CDC42: variants seen among roughly 807,000 people sequenced by gnomAD.
The protein encoded by CDC42 is cell division control protein 42 homolog.
A neutral mutation model predicts 20.8 loss-of-function variants in CDC42; 1 was observed. The ratio of observed to expected loss-of-function variants is 0.05; its 90% CI spans 0.02 to 0.23. The LOEUF (loss-of-function observed/expected upper bound fraction) is 0.23, where lower values mean the gene tolerates loss of function less well. Among genes scored for constraint, CDC42 ranks in the 10% least tolerant of loss-of-function variants. The probability of loss-of-function intolerance (pLI) is 1.00; values close to 1 mark genes in which losing one functional copy is unlikely to be tolerated. For missense variants in CDC42, 49 were observed against 227.9 expected, an observed-to-expected ratio of 0.21 and a Z score of 5.05; for synonymous variants, 72 against 84.8, an observed-to-expected ratio of 0.85 and a Z score of 0.83.
At chr1:22,064,873 CACCAT>C (rs1645404453) in intron 1 of CDC42, among the ~76,000 whole-genome samples, 1 of 152,118 alleles carries the variant, frequency 6.6e-6, no homozygotes, top group South Asian at 2.1e-4. Flanking sequence ...GACAGGGTTT[CACCAT>C]GTTGGTCAGG....
chr1:22,089,368 C>A (rs1352626877), intron 5 of CDC42, among the ~76,000 whole-genome samples: 4 of 152,148 alleles, frequency 2.6e-5, no homozygotes, highest in African/African-American at 9.7e-5. Context: ...TTCTAGGACC[C>A]CATTCTTTGT....
intron 1 of CDC42, among the ~76,000 whole-genome samples, chr1:22,072,130 C>T (rs959420406): frequency 3.9e-5 from 5 of 127,644 alleles, no homozygotes; most frequent in South Asian, 5.1e-4. Flanking sequence ...TGGAGTCTCG[C>T]TCTGTTGCCC....
chr1:22,068,944 A>G (rs1214370463), intron 1 of CDC42: 1 of 152,158 alleles, frequency 6.6e-6, no homozygotes, highest in African/African-American at 2.4e-5. Flanking sequence ...AAGAATATGT[A>G]GGGGGTGATG....
In CDC42 at chr1:22,095,182, A is replaced by G. The variant is rs1254467805; in HGVS notation, c.*3665A>G. On this transcript the variant is annotated 3_prime_UTR_variant, in exon 6 of 6. Transcript: ENST00000656825. ...CTTTATGTCACACTTGTTTTCTGTAAGTCTTACTCTGTATCTACCCGACTT... is the reference window on the plus strand; with the variant it reads ...CTTTATGTCACACTTGTTTTCTGTAGGTCTTACTCTGTATCTACCCGACTT... Among the ~76,000 whole-genome samples the G allele has an allele frequency of 6.6e-6, 1 of 152,146 alleles. No individual in the cohort carries two copies. Among genetic ancestry groups the G allele is most frequent in the Non-Finnish European group, 1.5e-5 (1 of 68,032 alleles).
rs17837964 is a variant in CDC42 at position 22,067,421 on chromosome 1, G to C, written c.-50-11008G>C. Among the ~76,000 whole-genome samples, 29 of 152,042 alleles carry C rather than the reference G, an allele frequency of 1.9e-4. 1 individual carries two copies. The East Asian group carries it at 5.6e-3, about 29-fold the overall frequency. ...ACTCCCACCTCCGCCTCCCAAGTTC[G>C]CTTTGGTGCTCTCAGCTCACTGCAA... On this transcript the variant is annotated intron_variant, in intron 1 of 5. Coordinates refer to ENST00000656825, the MANE Select transcript of CDC42 (RefSeq NM_001791.4).
intron 1 of CDC42, chr1:22,068,615 C>T (rs1057446121): frequency 5.2e-5 from 8 of 152,510 alleles, no homozygotes; most frequent in African/African-American, 1.9e-4. Context: ...AAATTCCTTC[C>T]ATAGAAATGA....
rs747002932 is a variant in CDC42 at position 22,094,294 on chromosome 1, A to ATTTTT, written c.*2794_*2798dup. On this transcript the variant is annotated 3_prime_UTR_variant, in exon 6 of 6. Transcript: ENST00000656825. ...GTTTTACTGAACATCCTAGAAATAGATTTTTTTTTTTTTTTTTTTTTGAGA... is the reference window on the plus strand; with the variant it reads ...GTTTTACTGAACATCCTAGAAATAGATTTTTTTTTTTTTTTTTTTTTTTTTTGAGA... Among the ~76,000 whole-genome samples, 15 of 38,300 alleles carry ATTTTT rather than the reference A, an allele frequency of 3.9e-4. 4 individuals are homozygous for ATTTTT. Among genetic ancestry groups the ATTTTT allele is most frequent in the Admixed American group, 3.1e-3 (6 of 1,910 alleles). 25.1% of individuals were successfully genotyped at this position (38,300 alleles called of 152,430 possible). A position where few individuals can be genotyped will look rare whatever the true frequency, so the allele number is the denominator to read the frequency against.
rs968266722 is a variant in CDC42 at position 22,099,958 on chromosome 1, G to C, written c.*8441G>C. On this transcript the variant is annotated 3_prime_UTR_variant, in exon 6 of 6. Coordinates refer to ENST00000656825, the MANE Select transcript of CDC42 (RefSeq NM_001791.4). ...CAGAGCTAGTAAGTGAGGGAACTGG[G>C]ATTTGAATTTAAGCAGTCTGTCTCT... Among the ~76,000 whole-genome samples the C allele has an allele frequency of 6.6e-6, 1 of 151,302 alleles. No individual in the cohort carries two copies.
chr1:22,062,018 A>C, intron 1 of CDC42, among the ~76,000 whole-genome samples: 1 of 151,178 alleles, frequency 6.6e-6, no homozygotes, highest in African/African-American at 2.4e-5. Flanking sequence ...GGCTCACTGC[A>C]ACCTCTGCCT....
rs188673578 is a variant in CDC42 at position 22,072,158 on chromosome 1, C to T, written c.-50-6271C>T. Among the ~76,000 whole-genome samples, 90 of 125,776 alleles carry T rather than the reference C, an allele frequency of 7.2e-4. 1 individual carries two copies. Among genetic ancestry groups the T allele is most frequent in the African/African-American group, 2.7e-3 (86 of 32,196 alleles). The allele number at this position is 125,776 out of a possible 152,430, so 82.5% of individuals were successfully genotyped here. A position where few individuals can be genotyped will look rare whatever the true frequency, so the allele number is the denominator to read the frequency against. On this transcript the variant is annotated intron_variant, in intron 1 of 5. Coordinates refer to ENST00000656825, the MANE Select transcript of CDC42 (RefSeq NM_001791.4). ...TGTTGCCCAGGCTGGAGTACAGTGG[C>T]GTGATCTCAGCTCACTGCAAGCTCT...
At chr1:22,078,055 C>T (rs886665387) in intron 1 of CDC42, among the ~76,000 whole-genome samples, 2 of 152,170 alleles carry the variant, frequency 1.3e-5, no homozygotes, top group South Asian at 2.1e-4. Context: ...GACATACATG[C>T]ATACATACAG....
At chr1:22,084,393 A>T in intron 3 of CDC42, among the ~76,000 whole-genome samples, 1 of 112,362 alleles carries the variant, frequency 8.9e-6, no homozygotes. Flanking sequence ...GTGAGGTGGT[A>T]TCTAATTGTG....
intron 1 of CDC42, among the ~76,000 whole-genome samples, chr1:22,054,891 GTATATATATATATATA>G (rs1157685736): frequency 0.082 from 5,878 of 71,878 alleles, 341 homozygotes; most frequent in South Asian, 0.16. Context: ...TTGAATTTAT[GTATATATATATATATA>G]TATATATATA....
intron 1 of CDC42, among the ~76,000 whole-genome samples, chr1:22,071,794 C>T (rs540387969): frequency 1.4e-4 from 22 of 152,226 alleles, no homozygotes; most frequent in African/African-American, 4.6e-4. Flanking sequence ...CAGGGGCAAA[C>T]GTATTTCACA....
intron 3 of CDC42, among the ~76,000 whole-genome samples, chr1:22,084,184 T>C (rs915572053): frequency 3.3e-5 from 5 of 152,184 alleles, no homozygotes; most frequent in Non-Finnish European, 7.3e-5. Flanking sequence ...TTTTGGGGTA[T>C]ATACCCAGAA....
At chr1:22,088,729 T>C (rs1450145106) in intron 5 of CDC42, among the ~76,000 whole-genome samples, 1 of 152,198 alleles carries the variant, frequency 6.6e-6, no homozygotes, top group African/African-American at 2.4e-5. Flanking sequence ...CCTCCTCCTC[T>C]TTTTTTCCTT....
At chr1:22,058,275 G>A (rs1225051436) in intron 1 of CDC42, among the ~76,000 whole-genome samples, 1 of 152,050 alleles carries the variant, frequency 6.6e-6, no homozygotes, top group Non-Finnish European at 1.5e-5. Context: ...CTCAAATTTC[G>A]GAAACAATGT....
chr1:22,077,357 A>G (rs1161724535), intron 1 of CDC42, among the ~76,000 whole-genome samples: 1 of 152,142 alleles, frequency 6.6e-6, no homozygotes, highest in African/African-American at 2.4e-5. Flanking sequence ...GTTCATTTAC[A>G]GGGATGTTAA....
In CDC42 at chr1:22,099,002, C is replaced by T. The variant is rs1645774159; in HGVS notation, c.*7485C>T. On this transcript the variant is annotated 3_prime_UTR_variant, in exon 6 of 6. Coordinates refer to ENST00000656825, the MANE Select transcript of CDC42 (RefSeq NM_001791.4). ...TCGAACTCCTGAGCTGATCCTCCCA[C>T]CTCGGCCTCCCAACGTGCTGGGATT... 6.6e-6 allele frequency among the ~76,000 whole-genome samples: 1 copy of T among 152,184 alleles called. No homozygotes were observed. The highest frequency in any genetic ancestry group is 1.5e-5 in the Non-Finnish European group (1 of 68,042).
Sources: allele counts gnomAD v4.1 joint callset (sites outside exome capture counted in the v4.1 genomes callset), GRCh38; gene constraint gnomAD v4.1.1; transcripts MANE v1.5; gene names NCBI Gene and HGNC (gene_info 2026-07-23, HGNC 2026-07-21).